AOAH: variants seen among roughly 807,000 people sequenced by gnomAD.
The protein encoded by AOAH is acyloxyacyl hydrolase (neutrophil).
A neutral mutation model predicts 92.2 loss-of-function variants in AOAH; 64 were observed. The ratio of observed to expected loss-of-function variants is 0.69; its 90% CI spans 0.57 to 0.86. AOAH has a LOEUF of 0.86. Among genes scored for constraint, AOAH ranks in the 40% least tolerant of loss-of-function variants. The pLI is 0.00. For missense variants in AOAH, 656 were observed against 694.6 expected, an observed-to-expected ratio of 0.94 and a Z score of 0.62; for synonymous variants, 263 against 254.5, an observed-to-expected ratio of 1.03 and a Z score of -0.32.
chr7:36,540,270 G>A, intron 16 of AOAH, 49 bp downstream of exon 16: 2 of 1,495,318 alleles, frequency 1.3e-6, no homozygotes, highest in South Asian at 2.5e-5. Context: ...ACATTGAACT[G>A]TATATACATT....
chr7:36,656,880 T>G (rs12534388), intron 4 of AOAH, among the ~76,000 whole-genome samples: 89,385 of 135,078 alleles, frequency 0.66, 30,771 homozygotes, highest in African/African-American at 0.86. Context: ...AGAGGTTTGG[T>G]GGGGGGTGTT....
chr7:36,580,099 G>T (rs1327871632), intron 12 of AOAH, among the ~76,000 whole-genome samples: 1 of 152,170 alleles, frequency 6.6e-6, no homozygotes, highest in Non-Finnish European at 1.5e-5. Context: ...TTTACTCATA[G>T]TGTTAGACCT....
chr7:36,544,813 C>T (rs1355649821), intron 15 of AOAH, among the ~76,000 whole-genome samples: 1 of 152,172 alleles, frequency 6.6e-6, no homozygotes, highest in African/African-American at 2.4e-5. Context: ...TTTCACCTGG[C>T]TGGTGCTAGA....
intron 13 of AOAH, among the ~76,000 whole-genome samples, chr7:36,551,534 C>T (rs1348787860): frequency 1.3e-5 from 2 of 152,212 alleles, no homozygotes; most frequent in African/African-American, 4.8e-5. Context: ...CTCCTCCCTC[C>T]AGTCCCTGAT....
chr7:36,662,238 T>G (rs1002952794), intron 3 of AOAH, among the ~76,000 whole-genome samples: 5 of 152,198 alleles, frequency 3.3e-5, no homozygotes, highest in Admixed American at 2.0e-4. Flanking sequence ...CCACCCAAAT[T>G]TAATTCCAGC....
chr7:36,562,976 A>T (rs1245176004), intron 13 of AOAH, among the ~76,000 whole-genome samples: 1 of 151,538 alleles, frequency 6.6e-6, no homozygotes, highest in African/African-American at 2.4e-5. Context: ...GTGAAACCCC[A>T]TCTCTACTAA....
intron 5 of AOAH, among the ~76,000 whole-genome samples, chr7:36,634,525 G>A (rs750892237): frequency 6.6e-6 from 1 of 152,104 alleles, no homozygotes; most frequent in Non-Finnish European, 1.5e-5. Flanking sequence ...TTGCTCACTC[G>A]GGGAGCTCGG....
At position 36,724,002 on chromosome 7, in the gene AOAH, A is replaced by G. The variant is rs759126851; in HGVS notation, c.127+20T>C. The G allele has an allele frequency of 2.3e-5, 37 of 1,609,488 alleles. No homozygotes were observed. In the South Asian group the frequency reaches 4.1e-4, roughly 18 times the overall value. The stretch of plus-strand genomic sequence containing the variant: ...ATTGTTATGTCTACATAGAAAATAC[A>G]AAAATATTTATTTGCATACCTACAC... On this transcript the variant is annotated intron_variant, in intron 1 of 20. Coordinates refer to ENST00000617537, the MANE Select transcript of AOAH (RefSeq NM_001637.4).
At chr7:36,664,732 G>A (rs1163140973) in intron 3 of AOAH, among the ~76,000 whole-genome samples, 1 of 152,126 alleles carries the variant, frequency 6.6e-6, no homozygotes. Flanking sequence ...AAATACTTGA[G>A]GCTGGGCAAT....
intron 4 of AOAH, among the ~76,000 whole-genome samples, chr7:36,638,376 T>C (rs893463480): frequency 6.6e-6 from 1 of 152,232 alleles, no homozygotes; most frequent in Non-Finnish European, 1.5e-5. Flanking sequence ...GAATGGCTGA[T>C]TGTTGCTGTG....
intron 1 of AOAH, among the ~76,000 whole-genome samples, chr7:36,695,995 T>C (rs1350220631): frequency 2.0e-5 from 3 of 152,220 alleles, no homozygotes; most frequent in Non-Finnish European, 2.9e-5. Context: ...TCATCCTTTT[T>C]TTACATATAG....
At chr7:36,691,774 C>A (rs1043982910) in intron 1 of AOAH, among the ~76,000 whole-genome samples, 10 of 152,170 alleles carry the variant, frequency 6.6e-5, no homozygotes, top group African/African-American at 2.2e-4. Flanking sequence ...TGAATCTGGC[C>A]TTGTGACTTG....
intron 13 of AOAH, among the ~76,000 whole-genome samples, chr7:36,567,070 T>C (rs1220144632): frequency 2.0e-5 from 3 of 152,090 alleles, no homozygotes; most frequent in African/African-American, 7.2e-5. Flanking sequence ...CCTCGGCCTC[T>C]CAAAGTGCTG....
chr7:36,564,836 A>G (rs1787569754), intron 13 of AOAH, among the ~76,000 whole-genome samples: 1 of 152,254 alleles, frequency 6.6e-6, no homozygotes, highest in Non-Finnish European at 1.5e-5. Context: ...GCTCCTATCT[A>G]GATGGTTTGC....
Position 36,576,563 on chromosome 7 carries a change from A to G in AOAH, c.1021+11T>C. 6.7e-7 allele frequency: 1 copy of G among 1,501,054 alleles called. No homozygotes were observed. Among genetic ancestry groups the G allele is most frequent in the African/African-American group, 1.4e-5 (1 of 70,858 alleles). The allele number at this position is 1,501,054 out of a possible 1,614,324, so 93.0% of individuals were successfully genotyped here. A position where few individuals can be genotyped will look rare whatever the true frequency, so the allele number is the denominator to read the frequency against. On this transcript the variant is annotated intron_variant, in intron 13 of 20. Transcript: ENST00000617537. ...GAACATTGATGAAGGCTTAAATGGAAAGTTACGTACCATTTCTTGAAATAT... is the reference window on the plus strand; with the variant it reads ...GAACATTGATGAAGGCTTAAATGGAGAGTTACGTACCATTTCTTGAAATAT...
chr7:36,574,851 CT>C (rs999090355), intron 13 of AOAH, among the ~76,000 whole-genome samples: 9 of 151,964 alleles, frequency 5.9e-5, no homozygotes, highest in East Asian at 3.9e-4. Context: ...CTACGTATAC[CT>C]TTTTTTTCCC....
chr7:36,690,954 G>A (rs970371161), intron 1 of AOAH, among the ~76,000 whole-genome samples: 1 of 152,072 alleles, frequency 6.6e-6, no homozygotes, highest in Non-Finnish European at 1.5e-5. Flanking sequence ...ATCTGTGCTG[G>A]CTGGAAATAC....
intron 6 of AOAH, among the ~76,000 whole-genome samples, chr7:36,630,324 C>T (rs2116213009): frequency 6.6e-6 from 1 of 152,364 alleles, no homozygotes; most frequent in East Asian, 1.9e-4. Flanking sequence ...TCTGTGTGTT[C>T]TCAGCCATCC....
chr7:36,612,183 A>T (rs1183173823), intron 11 of AOAH, among the ~76,000 whole-genome samples: 1 of 151,936 alleles, frequency 6.6e-6, no homozygotes, highest in East Asian at 1.9e-4. Context: ...AGAAAAAAAA[A>T]GTTACCTATA....
Sources: allele counts gnomAD v4.1 joint callset (sites outside exome capture counted in the v4.1 genomes callset), GRCh38; gene constraint gnomAD v4.1.1; transcripts MANE v1.5; gene names NCBI Gene and HGNC (gene_info 2026-07-23, HGNC 2026-07-21).